DDC: variants seen among roughly 807,000 people sequenced by gnomAD.
The protein encoded by DDC is aromatic-L-amino-acid decarboxylase.
Under a neutral mutation model 60.0 loss-of-function variants are expected in DDC, and 43 were observed. That is an observed-to-expected ratio of 0.72 (90% CI 0.56 to 0.92). The LOEUF (loss-of-function observed/expected upper bound fraction) is 0.92, where lower values mean the gene tolerates loss of function less well. DDC is among the 40% of genes least tolerant of loss of function. DDC has a pLI of 0.00. For synonymous variants in DDC, 232 were observed against 234.6 expected, an observed-to-expected ratio of 0.99 and a Z score of 0.10; for missense variants, 573 against 620.2, an observed-to-expected ratio of 0.92 and a Z score of 0.81.
At chr7:50,478,212 CA>C (rs61539310) in intron 10 of DDC, among the ~76,000 whole-genome samples, 82,561 of 149,340 alleles carry the variant, frequency 0.55, 22,848 homozygotes, top group Admixed American at 0.62. Context: ...AACCCTGTCT[CA>C]AAAAAAAAAA....
intron 11 of DDC, among the ~76,000 whole-genome samples, chr7:50,471,025 G>A (rs557137495): frequency 5.4e-4 from 82 of 152,324 alleles, no homozygotes; most frequent in Non-Finnish European, 7.8e-4. Flanking sequence ...GCCATCTGCC[G>A]GGTGGGACTG....
intron 4 of DDC, among the ~76,000 whole-genome samples, chr7:50,534,098 C>A (rs548146216): frequency 5.3e-5 from 8 of 152,348 alleles, no homozygotes; most frequent in African/African-American, 1.9e-4. Context: ...CAGGGAATGT[C>A]ACGTGCAAGG....
intron 14 of DDC, among the ~76,000 whole-genome samples, chr7:50,461,857 C>T (rs1159362435): frequency 6.6e-6 from 1 of 152,148 alleles, no homozygotes; most frequent in Non-Finnish European, 1.5e-5. Flanking sequence ...TCTTTCTCAG[C>T]TTATGAGTAG....
intron 6 of DDC, among the ~76,000 whole-genome samples, chr7:50,525,588 A>AC (rs1173584108): frequency 6.6e-6 from 1 of 151,876 alleles, no homozygotes; most frequent in East Asian, 1.9e-4. Context: ...ACATGATGAG[A>AC]CCCCGTCTCC....
chr7:50,459,324 C>G (rs2042197999), intron 14 of DDC, among the ~76,000 whole-genome samples: 1 of 152,234 alleles, frequency 6.6e-6, no homozygotes, highest in African/African-American at 2.4e-5. Flanking sequence ...CACCTCCCAG[C>G]CGCCTGCCTT....
At chr7:50,506,043 G>A (rs2043385325) in intron 6 of DDC, among the ~76,000 whole-genome samples, 1 of 152,252 alleles carries the variant, frequency 6.6e-6, no homozygotes, top group South Asian at 2.1e-4. Context: ...AAGGGCCTGT[G>A]TTGTGGTTTC....
intron 1 of DDC, among the ~76,000 whole-genome samples, chr7:50,553,466 T>C (rs557219490): frequency 6.8e-6 from 1 of 146,972 alleles, no homozygotes; most frequent in Non-Finnish European, 1.5e-5. Flanking sequence ...TCTTTTTTTC[T>C]TTTCTTTTCT....
At chr7:50,472,419 G>A (rs1454534644) in intron 11 of DDC, among the ~76,000 whole-genome samples, 1 of 152,050 alleles carries the variant, frequency 6.6e-6, no homozygotes, top group Admixed American at 6.6e-5. Flanking sequence ...TCTATTTCCT[G>A]GTACTTTTTC....
intron 8 of DDC, 143 bp from the exon 9 acceptor site, chr7:50,495,560 A>T: frequency 1.4e-6 from 1 of 697,052 alleles, no homozygotes; most frequent in Non-Finnish European, 2.5e-6. Context: ...CCAGGGGAGT[A>T]GTAACTTGTA....
intron 9 of DDC, among the ~76,000 whole-genome samples, chr7:50,487,425 T>C (rs968462625): frequency 2.0e-5 from 3 of 152,180 alleles, no homozygotes; most frequent in Non-Finnish European, 4.4e-5. Flanking sequence ...CGCGAGGATG[T>C]GTTTTTTGCT....
At chr7:50,549,750 A>G (rs2044926738) in intron 1 of DDC, among the ~76,000 whole-genome samples, 1 of 152,212 alleles carries the variant, frequency 6.6e-6, no homozygotes, top group African/African-American at 2.4e-5. Context: ...CAATCCTCAC[A>G]GACGACTTCA....
At chr7:50,534,460 G>C (rs921987557) in intron 4 of DDC, among the ~76,000 whole-genome samples, 1 of 152,178 alleles carries the variant, frequency 6.6e-6, no homozygotes, top group South Asian at 2.1e-4. Flanking sequence ...ATCCAGGCAT[G>C]GTGATGGGTG....
rs2042424092 is a variant in DDC, at chr7:50,467,450, C to A, written c.1141-135G>T. The A allele has an allele frequency of 6.3e-5, 46 of 728,910 alleles. No homozygotes were observed. The South Asian group carries it at 6.3e-4, about 10-fold the overall frequency. The allele number at this position is 728,910 out of a possible 1,614,324, so 45.2% of individuals were successfully genotyped here. A position where few individuals can be genotyped will look rare whatever the true frequency, so the allele number is the denominator to read the frequency against. On this transcript the variant is annotated intron_variant, in intron 12 of 14. Transcript: ENST00000444124. Reference sequence around the variant, plus strand: ...TGGCAATTTTCCTCAAGTGCTTTTACCGTTCACTGACCAGCTGTTTCCAGG... The same window carrying A: ...TGGCAATTTTCCTCAAGTGCTTTTAACGTTCACTGACCAGCTGTTTCCAGG...
At chr7:50,484,691 C>T (rs1295136527) in intron 9 of DDC, among the ~76,000 whole-genome samples, 1 of 152,122 alleles carries the variant, frequency 6.6e-6, no homozygotes, top group African/African-American at 2.4e-5. Context: ...TTTTGTGGCA[C>T]CAAAGTCACC....
chr7:50,470,233 G>T, intron 11 of DDC, 62 bp from the exon 12 acceptor site: 1 of 1,218,902 alleles, frequency 8.2e-7, no homozygotes, highest in Non-Finnish European at 1.2e-6. Flanking sequence ...CTTCCTTTTC[G>T]GCTCACCGGC....
rs113595091 is a variant in DDC at position 50,537,183 on chromosome 7, T to C, written c.435+677A>G. ...AGCTCTGACACACAGTCACTCTCAA[T>C]AGATACATGTTACATGAAGAAAATG... On this transcript the variant is annotated intron_variant, in intron 4 of 14. Transcript: ENST00000444124. 2.0e-3 allele frequency among the ~76,000 whole-genome samples: 306 copies of C among 152,274 alleles called. 2 individuals are homozygous for C. The highest frequency in any genetic ancestry group is 7.0e-3 in the African/African-American group (291 of 41,550).
intron 14 of DDC, among the ~76,000 whole-genome samples, chr7:50,459,378 C>G (rs144174112): frequency 0.024 from 3,698 of 152,272 alleles, 56 homozygotes; most frequent in African/African-American, 0.042. Flanking sequence ...CCGGCCGCCA[C>G]CCCGGTTGGG....
At chr7:50,555,049 G>T (rs1332335275) in intron 1 of DDC, among the ~76,000 whole-genome samples, 1 of 152,154 alleles carries the variant, frequency 6.6e-6, no homozygotes, top group African/African-American at 2.4e-5. Flanking sequence ...CCATCCCTCG[G>T]ATGGAGAGAT....
chr7:50,483,500 G>A (rs574273475), intron 9 of DDC, among the ~76,000 whole-genome samples: 4 of 152,094 alleles, frequency 2.6e-5, no homozygotes, highest in Non-Finnish European at 5.9e-5. Context: ...ATTTAGACTG[G>A]CTTCAAGATA....
Sources: allele counts gnomAD v4.1 joint callset (sites outside exome capture counted in the v4.1 genomes callset), GRCh38; gene constraint gnomAD v4.1.1; transcripts MANE v1.5; gene names NCBI Gene and HGNC (gene_info 2026-07-23, HGNC 2026-07-21).